ATR: variants seen among roughly 807,000 people sequenced by gnomAD.
ATR encodes the protein serine/threonine-protein kinase ATR.
ATR carries 142 observed loss-of-function variants against 305.3 expected under a neutral mutation model. The observed-to-expected ratio is 0.47, with a 90% CI of 0.41 to 0.53. The LOEUF (loss-of-function observed/expected upper bound fraction) is 0.53. Ranked by LOEUF, ATR falls within the 20% of genes least tolerant of loss-of-function variation. The pLI is 0.00. For missense variants in ATR, 2,135 were observed against 3,133.1 expected, an observed-to-expected ratio of 0.68 and a Z score of 7.60; for synonymous variants, 1,050 against 1,068.1, an observed-to-expected ratio of 0.98 and a Z score of 0.33.
chr3:142,474,605 T>G (rs1267159871), intron 36 of ATR, among the ~76,000 whole-genome samples: 2 of 152,212 alleles, frequency 1.3e-5, no homozygotes, highest in African/African-American at 4.8e-5. Flanking sequence ...TTGAATTCAT[T>G]TATTTGTTCT....
At position 142,507,974 on chromosome 3, in the gene ATR, G is replaced by A. The variant is rs984341860; in HGVS notation, c.4988C>T (p.Thr1663Ile). Residue 1663 changes from threonine (T) to isoleucine (I), a missense_variant, in exon 28 of 47, where the codon ACA becomes ATA. Coordinates refer to ENST00000350721, the MANE Select transcript of ATR (RefSeq NM_001184.4). ...TTCCTGAATATTTTGCTTCTTTTCT[G>A]TAATAAATGATTCAAAGTGCATTAC... ...RAVMHFESFI[T>I]EKKQNIQEHL... The A allele has an allele frequency of 2.5e-6, 4 of 1,613,144 alleles. No individual in the cohort carries two copies. The African/African-American group carries it at 4.0e-5, about 16-fold the overall frequency.
At chr3:142,577,619 G>A (rs187083536) in intron 1 of ATR, among the ~76,000 whole-genome samples, 278 of 152,308 alleles carry the variant, frequency 1.8e-3, no homozygotes, top group African/African-American at 6.3e-3. Context: ...CAGTGGAAAT[G>A]AACACAACTG....
chr3:142,512,982 T>A (rs2032653983), intron 26 of ATR, among the ~76,000 whole-genome samples: 1 of 152,174 alleles, frequency 6.6e-6, no homozygotes, highest in Non-Finnish European at 1.5e-5. Flanking sequence ...TTAAAAATTT[T>A]AAAATATTCT....
At chr3:142,500,820 T>C (rs2031918227) in intron 30 of ATR, among the ~76,000 whole-genome samples, 2 of 152,080 alleles carry the variant, frequency 1.3e-5, no homozygotes, top group African/African-American at 4.8e-5. Flanking sequence ...AAGCTTACCA[T>C]CAGACACCAA....
rs1425533945 is a variant in ATR, at chr3:142,465,083, A to C, written c.7041+14T>G. 2.8e-6 allele frequency: 4 copies of C among 1,416,954 alleles called. No homozygotes were observed. The highest frequency in any genetic ancestry group is 3.7e-6 in the Non-Finnish European group (4 of 1,080,480). 87.8% of individuals were successfully genotyped at this position (1,416,954 alleles called of 1,614,324 possible). ...AAAATAAATAAATAAAATAAAAGCA[A>C]ACTATCTCCCAACCTTATTAATCAA... On this transcript the variant is annotated intron_variant, in intron 41 of 46. Transcript: ENST00000350721.
intron 36 of ATR, among the ~76,000 whole-genome samples, chr3:142,476,325 T>G (rs2071447567): frequency 6.6e-6 from 1 of 152,204 alleles, no homozygotes; most frequent in African/African-American, 2.4e-5. Flanking sequence ...TAGCCAGTTT[T>G]CCCAGCATCA....
At chr3:142,559,519 G>T in intron 6 of ATR, 78 bp from the exon 7 acceptor site, 1 of 1,423,156 alleles carries the variant, frequency 7.0e-7, no homozygotes, top group Non-Finnish European at 9.8e-7. Flanking sequence ...TTGTAGTAAA[G>T]CCAAAAGAAA....
chr3:142,523,944 C>T (rs747095343), intron 22 of ATR, 49 bp downstream of exon 22: 2 of 1,562,418 alleles, frequency 1.3e-6, no homozygotes, highest in East Asian at 4.5e-5. Context: ...ATATATAAAC[C>T]TCAATAGGAC....
At chr3:142,566,347 G>A (rs2108495010) in intron 2 of ATR, 86 bp from the exon 3 acceptor site, 1 of 1,458,600 alleles carries the variant, frequency 6.9e-7, no homozygotes, top group Non-Finnish European at 9.5e-7. Context: ...GGCCAGGCAA[G>A]GTGCCTCACT....
At chr3:142,540,603 C>T (rs2034015785) in intron 18 of ATR, among the ~76,000 whole-genome samples, 1 of 151,874 alleles carries the variant, frequency 6.6e-6, no homozygotes, top group Admixed American at 6.6e-5. Context: ...TAAAATACCC[C>T]AACCAACAAT....
At position 142,515,526 on chromosome 3, in the gene ATR, G is replaced by A; in HGVS notation, c.4383-11C>T. ...TGAGAACTCTTGTATCTGTAATTTT[G>A]AAAATTTGTTTATTAAAAAGATAAA... is the stretch of plus-strand genomic sequence containing the variant. On this transcript the variant is annotated splice_polypyrimidine_tract_variant and intron_variant, in intron 24 of 46. Transcript: ENST00000350721. 3 of 1,606,108 alleles carry A rather than the reference G, an allele frequency of 1.9e-6. No individual in the cohort carries two copies. The highest frequency in any genetic ancestry group is 1.7e-6 in the Non-Finnish European group (2 of 1,173,302).
intron 36 of ATR, among the ~76,000 whole-genome samples, chr3:142,477,037 CA>C (rs2029887021): frequency 6.6e-6 from 1 of 152,166 alleles, no homozygotes; most frequent in Non-Finnish European, 1.5e-5. Context: ...ATGTCGTCTG[CA>C]AACAGGGACA....
chr3:142,480,769 C>T (rs2030381685), intron 36 of ATR, among the ~76,000 whole-genome samples: 1 of 152,230 alleles, frequency 6.6e-6, no homozygotes, highest in African/African-American at 2.4e-5. Context: ...TGTTTACCTA[C>T]TCAAGCCTCA....
chr3:142,530,942 T>C (rs1453151727), intron 21 of ATR, among the ~76,000 whole-genome samples: 1 of 152,216 alleles, frequency 6.6e-6, no homozygotes, highest in Non-Finnish European at 1.5e-5. Flanking sequence ...TTCTCTTTGC[T>C]CCATCAATTC....
Position 142,519,689 on chromosome 3 carries a change from T to C in ATR, c.4362A>G (p.Leu1454=), listed in dbSNP as rs1490550675. ...CATACCTGGTATTTAGATGAGGTTCTAGTATTTCCCGAACATGCTCAGGAA... is the reference window on the plus strand; with the variant it reads ...CATACCTGGTATTTAGATGAGGTTCCAGTATTTCCCGAACATGCTCAGGAA... ...RRFPEHVREI[L]EPHLNTRYKS... Residue 1454 remains leucine, a synonymous_variant, in exon 24 of 47, where the codon CTA becomes CTG. Transcript: ENST00000350721. 1.2e-6 allele frequency: 2 copies of C among 1,612,776 alleles called. No homozygotes were observed. Among genetic ancestry groups the C allele is most frequent in the Non-Finnish European group, 1.7e-6 (2 of 1,178,732 alleles).
intron 2 of ATR, among the ~76,000 whole-genome samples, chr3:142,567,550 GAT>G (rs1435304957): frequency 1.3e-5 from 2 of 152,148 alleles, no homozygotes; most frequent in East Asian, 3.8e-4. Context: ...AATTTCAACA[GAT>G]ATGACAAATG....
chr3:142,451,741 A>G, intron 46 of ATR: 1 of 1,158,520 alleles, frequency 8.6e-7, no homozygotes, highest in Non-Finnish European at 1.1e-6. Flanking sequence ...CACTGAGCCC[A>G]GCTAATTAAA....
chr3:142,465,399 T>G (rs1041599046), intron 40 of ATR, 159 bp from the exon 41 acceptor site: 3 of 515,666 alleles, frequency 5.8e-6, no homozygotes, highest in African/African-American at 5.8e-5. Context: ...TAATTATCTA[T>G]GACCTATGAA....
chr3:142,578,191 A>G (rs141102894), intron 1 of ATR, among the ~76,000 whole-genome samples: 2 of 152,314 alleles, frequency 1.3e-5, no homozygotes, highest in East Asian at 3.9e-4. Flanking sequence ...ATTTTCTTTC[A>G]AGGGCAGTTT....
Sources: gnomAD v4.1 joint callset for allele counts (sites outside exome capture counted in the v4.1 genomes callset) on GRCh38, gnomAD v4.1.1 for gene constraint, MANE v1.5 for transcripts, NCBI Gene and HGNC (gene_info 2026-07-23, HGNC 2026-07-21) for gene names.